Variants in WWOX observed in about 807,000 individuals in gnomAD.
WWOX encodes WW domain-containing oxidoreductase.
In WWOX, 69 loss-of-function variants were observed where a neutral mutation model predicts 46.2. That is an observed-to-expected ratio of 1.49 (90% confidence interval 1.23 to 1.82). The LOEUF is 1.82. WWOX is among the 40% of genes most tolerant of loss of function. The pLI is 0.00. For synonymous variants in WWOX, 359 were observed against 202.6 expected, an observed-to-expected ratio of 1.77 and a Z score of -6.56; for missense variants, 919 against 542.6, an observed-to-expected ratio of 1.69 and a Z score of -6.89.
chr16:78,383,077 C>G (rs758000108), intron 5 of WWOX, among the ~76,000 whole-genome samples: 2 of 150,464 alleles, frequency 1.3e-5, no homozygotes, highest in Non-Finnish European at 2.9e-5. Flanking sequence ...GATCACGAGA[C>G]AGCACTAGGG....
chr16:78,936,872 G>A (rs2045749028), intron 8 of WWOX, among the ~76,000 whole-genome samples: 1 of 152,178 alleles, frequency 6.6e-6, no homozygotes, highest in African/African-American at 2.4e-5. Context: ...TTAACTTGAA[G>A]TATTACAGGG....
At chr16:78,686,704 T>C (rs200414963) in intron 8 of WWOX, among the ~76,000 whole-genome samples, 3 of 152,130 alleles carry the variant, frequency 2.0e-5, no homozygotes, top group East Asian at 3.9e-4. Flanking sequence ...TCCAGTTGTT[T>C]TAGGAAAGGC....
At chr16:78,126,398 A>C (rs2033363240) in intron 4 of WWOX, among the ~76,000 whole-genome samples, 1 of 152,210 alleles carries the variant, frequency 6.6e-6, no homozygotes, top group South Asian at 2.1e-4. Context: ...GAGAATTAGA[A>C]TTTTTAAAAA....
At chr16:78,693,612 G>T (rs866180173) in intron 8 of WWOX, among the ~76,000 whole-genome samples, 5 of 152,144 alleles carry the variant, frequency 3.3e-5, no homozygotes, top group Admixed American at 2.6e-4. Context: ...GTCACCTGTC[G>T]GGAACATTTG....
At chr16:78,968,799 C>T (rs2046413664) in intron 8 of WWOX, among the ~76,000 whole-genome samples, 1 of 152,044 alleles carries the variant, frequency 6.6e-6, no homozygotes, top group African/African-American at 2.4e-5. Context: ...CAGATTGTTT[C>T]ATTTTATTAT....
At chr16:78,672,445 G>C (rs2047489436) in intron 8 of WWOX, among the ~76,000 whole-genome samples, 1 of 152,120 alleles carries the variant, frequency 6.6e-6, no homozygotes, top group African/African-American at 2.4e-5. Flanking sequence ...CTGGAATGTG[G>C]GTGTGTGCAC....
intron 8 of WWOX, among the ~76,000 whole-genome samples, chr16:79,210,437 A>T (rs2051687883): frequency 6.6e-6 from 1 of 152,184 alleles, no homozygotes; most frequent in African/African-American, 2.4e-5. Flanking sequence ...TAAACCCTGC[A>T]GGGGCAGAAA....
rs1220836699 is a variant in WWOX, at chr16:79,128,788, C to T, written c.1057-82820C>T. On this transcript the variant is annotated intron_variant, in intron 8 of 8. Transcript: ENST00000566780. The stretch of plus-strand genomic sequence containing the variant: ...AAGTCAGGGATAACAGAGCCGGGGG[C>T]GGAGGCTAGGTCTCCTTACATATTT... 3.9e-5 allele frequency among the ~76,000 whole-genome samples: 6 copies of T among 152,270 alleles called. No homozygotes were observed. The East Asian group carries it at 7.7e-4, about 20-fold the overall frequency.
intron 8 of WWOX, among the ~76,000 whole-genome samples, chr16:78,870,822 G>A (rs1388619590): frequency 6.6e-6 from 1 of 152,092 alleles, no homozygotes; most frequent in African/African-American, 2.4e-5. Flanking sequence ...GGGTTGTCTC[G>A]AACTCCTGAG....
At chr16:78,443,191 G>C (rs11864913) in intron 8 of WWOX, among the ~76,000 whole-genome samples, 1,502 of 145,568 alleles carry the variant, frequency 0.01, 18 homozygotes, top group African/African-American at 0.038. Context: ...TATTGTCCCA[G>C]CTACTTGGGA....
At chr16:79,075,327 A>G (rs1362304747) in intron 8 of WWOX, among the ~76,000 whole-genome samples, 2 of 152,194 alleles carry the variant, frequency 1.3e-5, no homozygotes, top group Non-Finnish European at 2.9e-5. Context: ...ACACCGGCAG[A>G]TCACAGGAAG....
intron 8 of WWOX, among the ~76,000 whole-genome samples, chr16:78,512,198 G>C (rs956534650): frequency 1.3e-5 from 2 of 152,042 alleles, no homozygotes; most frequent in African/African-American, 4.8e-5. Context: ...TACAGAAAAG[G>C]AAAAAGCCAT....
At chr16:78,699,225 A>T (rs908228927) in intron 8 of WWOX, among the ~76,000 whole-genome samples, 4 of 152,124 alleles carry the variant, frequency 2.6e-5, no homozygotes, top group Admixed American at 1.3e-4. Context: ...GGAAGGCCTA[A>T]CTCAGTTAAA....
At chr16:79,082,825 C>T (rs780566143) in intron 8 of WWOX, among the ~76,000 whole-genome samples, 14 of 151,990 alleles carry the variant, frequency 9.2e-5, no homozygotes, top group Non-Finnish European at 2.1e-4. Flanking sequence ...AGCTTTATAC[C>T]TTGTGTGTGC....
At chr16:78,175,048 A>G (rs1308583664) in intron 5 of WWOX, among the ~76,000 whole-genome samples, 2 of 151,398 alleles carry the variant, frequency 1.3e-5, no homozygotes, top group Admixed American at 6.6e-5. Context: ...GACTAAGGTT[A>G]TTAACCATTA....
chr16:79,040,002 G>A (rs1456338790), intron 8 of WWOX, among the ~76,000 whole-genome samples: 6 of 152,180 alleles, frequency 3.9e-5, no homozygotes, highest in South Asian at 2.1e-4. Context: ...AAAGGTGGCA[G>A]TTACACTACC....
chr16:78,811,179 T>C (rs2051178802), intron 8 of WWOX, among the ~76,000 whole-genome samples: 1 of 152,140 alleles, frequency 6.6e-6, no homozygotes, highest in Non-Finnish European at 1.5e-5. Context: ...ACAATCAGTG[T>C]TTTGTGACAT....
At chr16:78,464,888 C>T (rs539932413) in intron 8 of WWOX, among the ~76,000 whole-genome samples, 67 of 152,258 alleles carry the variant, frequency 4.4e-4, no homozygotes, top group African/African-American at 1.5e-3. Context: ...AAGAAATACC[C>T]GAGACTGGGT....
chr16:78,625,687 G>C (rs1009713902), intron 8 of WWOX, among the ~76,000 whole-genome samples: 1 of 151,094 alleles, frequency 6.6e-6, no homozygotes, highest in Non-Finnish European at 1.5e-5. Flanking sequence ...TACTCGGTTG[G>C]TGCAAAAGTA....
Sources: allele counts gnomAD v4.1 joint callset (sites outside exome capture counted in the v4.1 genomes callset), GRCh38; gene constraint gnomAD v4.1.1; transcripts MANE v1.5; gene names NCBI Gene and HGNC (gene_info 2026-07-23, HGNC 2026-07-21).